The following HIBCH variants were observed in gnomAD, a reference collection of about 807,000 sequenced individuals.
The protein encoded by HIBCH is 3-hydroxyisobutyryl-CoA hydrolase, mitochondrial.
In HIBCH, 50 loss-of-function variants were observed where a neutral mutation model predicts 58.2. The ratio of observed to expected loss-of-function variants is 0.86; its 90% CI spans 0.68 to 1.09. HIBCH has a LOEUF of 1.09. HIBCH is among the 50% of genes least tolerant of loss of function. The pLI is 0.00. For missense variants in HIBCH, 450 were observed against 449.7 expected (o/e 1.00, Z -0.01); for synonymous variants, 151 against 146.9 (o/e 1.03, Z -0.20).
Position 190,210,489 on chromosome 2 carries a change from T to A in HIBCH, c.1012-1576A>T, listed in dbSNP as rs969881343. ...CTGGACTCTCATTTTCTTTATAATA[T>A]GATCTTACCTATTCAGTGCTCAACA... On this transcript the variant is annotated intron_variant, in intron 12 of 13. Coordinates refer to ENST00000359678, the MANE Select transcript of HIBCH (RefSeq NM_014362.4). The surrounding 1 kb of genome is among the most constrained non-coding windows in gnomAD (Gnocchi z 5.5). Among the ~76,000 whole-genome samples, 3 of 152,204 alleles carry A rather than the reference T, an allele frequency of 2.0e-5. No homozygotes were observed. Among genetic ancestry groups the A allele is most frequent in the Admixed American group, 1.3e-4 (2 of 15,286 alleles).
chr2:190,278,442 G>A (rs1252108822), intron 6 of HIBCH, among the ~76,000 whole-genome samples: 1 of 152,170 alleles, frequency 6.6e-6, no homozygotes, highest in Non-Finnish European at 1.5e-5. Flanking sequence ...GGCCTTAAGT[G>A]ATCCGCCAGC....
chr2:190,248,865 CAA>C (rs113265048), intron 9 of HIBCH, among the ~76,000 whole-genome samples: 6 of 127,354 alleles, frequency 4.7e-5, no homozygotes, highest in Non-Finnish European at 3.5e-5. Context: ...TGCTTCAAAA[CAA>C]AAAAAAAAAA....
intron 6 of HIBCH, among the ~76,000 whole-genome samples, chr2:190,284,585 G>C (rs751780423): frequency 6.6e-5 from 10 of 152,026 alleles, no homozygotes; most frequent in Non-Finnish European, 1.2e-4. Flanking sequence ...ACTAAATAAC[G>C]ACTTAGTTGG....
At chr2:190,264,741 G>C (rs1687184453) in intron 6 of HIBCH, among the ~76,000 whole-genome samples, 1 of 152,000 alleles carries the variant, frequency 6.6e-6, no homozygotes, top group African/African-American at 2.4e-5. Context: ...ACAATTCAGT[G>C]GCCATTCTTC....
intron 5 of HIBCH, 31 bp downstream of exon 5, chr2:190,290,374 A>C: frequency 7.0e-7 from 1 of 1,436,848 alleles, no homozygotes; most frequent in Non-Finnish European, 9.8e-7. Flanking sequence ...TCTTTATTCC[A>C]TTTCCAAAGC....
At chr2:190,283,757 A>G (rs556414012) in intron 6 of HIBCH, among the ~76,000 whole-genome samples, 84 of 152,314 alleles carry the variant, frequency 5.5e-4, no homozygotes, top group Admixed American at 2.3e-3. Flanking sequence ...TTTTTAAGGG[A>G]GCTGATAAAA....
intron 2 of HIBCH, among the ~76,000 whole-genome samples, chr2:190,299,074 G>A (rs576356553): frequency 5.3e-4 from 81 of 152,214 alleles, no homozygotes; most frequent in African/African-American, 1.8e-3. Context: ...ATTCCTTTAT[G>A]TAAAGGCAAC....
At position 190,207,020 on chromosome 2, in the gene HIBCH, G is replaced by C. The variant is rs1690407449; in HGVS notation, c.1046-1788C>G. Among the ~76,000 whole-genome samples, 1 of 152,118 alleles carries C rather than the reference G, an allele frequency of 6.6e-6. No individual in the cohort carries two copies. Among genetic ancestry groups the C allele is most frequent in the South Asian group, 2.1e-4 (1 of 4,828 alleles). ...GCTTTTAGTCCCAGCTACTCGGGAG[G>C]CTGAGGCAGGAGAATGGTGTGAACC... On this transcript the variant is annotated intron_variant, in intron 13 of 13. Transcript: ENST00000359678. The surrounding 1 kb of genome is among the most constrained non-coding windows in gnomAD (Gnocchi z 4.5).
chr2:190,208,622 G>A (rs1690448623), intron 13 of HIBCH: 1 of 538,692 alleles, frequency 1.9e-6, no homozygotes, highest in Non-Finnish European at 3.3e-6. Context: ...TATAGGTTGA[G>A]TATTCTTTAT....
At chr2:190,282,333 T>C (rs911415920) in intron 6 of HIBCH, among the ~76,000 whole-genome samples, 2 of 152,160 alleles carry the variant, frequency 1.3e-5, no homozygotes, top group Admixed American at 1.3e-4. Flanking sequence ...AGCCAGAAAG[T>C]TCAAGATTGA....
intron 5 of HIBCH, among the ~76,000 whole-genome samples, chr2:190,288,557 T>A (rs1371442599): frequency 6.6e-6 from 1 of 151,120 alleles, no homozygotes; most frequent in Non-Finnish European, 1.5e-5. Context: ...GTAGAACAGA[T>A]AATTAATGTG....
rs1027354829 is a variant in HIBCH at position 190,304,721 on chromosome 2, T to G, written c.78+6033A>C. On this transcript the variant is annotated intron_variant, in intron 2 of 13. Coordinates refer to ENST00000359678, the MANE Select transcript of HIBCH (RefSeq NM_014362.4). This position sits in a 1 kb window ranked among gnomAD's most constrained non-coding sequence, Gnocchi z 4.1. ...TTAAATGGCTTAAACAACACAAACT[T>G]ATTTTTTTTGTAAAACCAGCAGTTT... Among the ~76,000 whole-genome samples the G allele has an allele frequency of 2.0e-5, 3 of 152,354 alleles. No individual in the cohort carries two copies. Among genetic ancestry groups the G allele is most frequent in the Non-Finnish European group, 4.4e-5 (3 of 68,028 alleles).
chr2:190,240,025 G>C (rs1006454466), intron 11 of HIBCH, among the ~76,000 whole-genome samples: 2 of 152,200 alleles, frequency 1.3e-5, no homozygotes, highest in Admixed American at 6.5e-5. Flanking sequence ...AAATGAGTTA[G>C]GGAGGAGTCC....
intron 6 of HIBCH, among the ~76,000 whole-genome samples, chr2:190,286,955 A>C (rs1687844069): frequency 6.6e-6 from 1 of 152,104 alleles, no homozygotes; most frequent in South Asian, 2.1e-4. Flanking sequence ...CTATATATTA[A>C]AAGATAAAAA....
intron 11 of HIBCH, among the ~76,000 whole-genome samples, chr2:190,240,245 G>C (rs1404580886): frequency 2.6e-5 from 4 of 152,146 alleles, no homozygotes; most frequent in Admixed American, 6.5e-5. Flanking sequence ...TATGTGTCCA[G>C]GAATTTATCC....
At chr2:190,213,146 G>C (rs554416272) in intron 11 of HIBCH, 71 bp from the exon 12 acceptor site, 1 of 1,203,394 alleles carries the variant, frequency 8.3e-7, no homozygotes, top group African/African-American at 1.5e-5. Context: ...TGGGCAGAGT[G>C]TCTATGTAAA....
rs1435887545 is a variant in HIBCH, at chr2:190,279,404, C to T, written c.438+8182G>A. ...AAATACATTCACTCCAGCTCCATATCCTCAAAGTATTGTTTCAGCACCAAC... is the reference window on the plus strand; with the variant it reads ...AAATACATTCACTCCAGCTCCATATTCTCAAAGTATTGTTTCAGCACCAAC... On this transcript the variant is annotated intron_variant, in intron 6 of 13. Transcript: ENST00000359678. The surrounding 1 kb of genome is among the most constrained non-coding windows in gnomAD (Gnocchi z 4.2). 6.6e-6 allele frequency among the ~76,000 whole-genome samples: 1 copy of T among 152,194 alleles called. No individual in the cohort carries two copies. The highest frequency in any genetic ancestry group is 2.4e-5 in the African/African-American group (1 of 41,452).
chr2:190,225,029 A>G (rs200345356), intron 11 of HIBCH, among the ~76,000 whole-genome samples: 1 of 152,256 alleles, frequency 6.6e-6, no homozygotes, highest in Non-Finnish European at 1.5e-5. Flanking sequence ...TACTAGGTAC[A>G]TAACGAAATG....
intron 8 of HIBCH, chr2:190,251,686 A>T (rs201784687): frequency 0.017 from 2,481 of 147,744 alleles, 21 homozygotes; most frequent in South Asian, 0.028. Flanking sequence ...TTTTTTTTTT[A>T]AAAAAAAAAA....
Sources: allele counts gnomAD v4.1 joint callset (sites outside exome capture counted in the v4.1 genomes callset), GRCh38; gene constraint gnomAD v4.1.1; non-coding constraint Gnocchi (gnomAD v3.1); transcripts MANE v1.5; gene names NCBI Gene and HGNC (gene_info 2026-07-23, HGNC 2026-07-21).